Variants in DMXL2 observed in about 807,000 individuals in gnomAD.
DMXL2 encodes the protein dmX-like protein 2.
DMXL2 carries 103 observed loss-of-function variants against 331.1 expected under a neutral mutation model. That is an observed-to-expected ratio of 0.31 (90% CI 0.27 to 0.37). The LOEUF (loss-of-function observed/expected upper bound fraction) is 0.37. Ranked by LOEUF, DMXL2 falls within the 10% of genes least tolerant of loss-of-function variation. The pLI is 1.00. For synonymous variants in DMXL2, 1,281 were observed against 1,252.1 expected (o/e 1.02, Z -0.49); for missense variants, 3,171 against 3,642.9 (o/e 0.87, Z 3.33).
intron 1 of DMXL2, among the ~76,000 whole-genome samples, chr15:51,616,069 T>C (rs527945034): frequency 1.3e-5 from 2 of 152,304 alleles, no homozygotes; most frequent in Middle Eastern, 3.4e-3. Flanking sequence ...TTAAATTAAA[T>C]GTTATTACTC....
At chr15:51,618,764 C>T (rs937333386) in intron 1 of DMXL2, among the ~76,000 whole-genome samples, 2 of 152,156 alleles carry the variant, frequency 1.3e-5, no homozygotes, top group African/African-American at 4.8e-5. Flanking sequence ...TTGTTCTTAT[C>T]TTTCCAAACC....
At position 51,489,310 on chromosome 15, in the gene DMXL2, A is replaced by C. The variant is rs1448391032; in HGVS notation, c.4954-665T>G. On this transcript the variant is annotated intron_variant, in intron 20 of 43. Coordinates refer to ENST00000560891, the MANE Select transcript of DMXL2 (RefSeq NM_001378457.1). ...ATTGATGGCAAAGCAGGAAGCTATA[A>C]TACTAAGGTATGGGAGAAAGGGAAA... Among the ~76,000 whole-genome samples the C allele has an allele frequency of 2.0e-5, 3 of 152,206 alleles. No individual in the cohort carries two copies. The East Asian group carries it at 5.8e-4, about 29-fold the overall frequency.
intron 20 of DMXL2, among the ~76,000 whole-genome samples, chr15:51,491,201 G>T (rs963809959): frequency 9.2e-5 from 14 of 152,170 alleles, no homozygotes; most frequent in African/African-American, 3.4e-4. Context: ...AGCCATTTGG[G>T]AGGCCGAGGA....
At position 51,513,913 on chromosome 15, in the gene DMXL2, G is replaced by GT. The variant is rs1247556364; in HGVS notation, c.2644+528dup. Among the ~76,000 whole-genome samples, 5 of 152,040 alleles carry GT rather than the reference G, an allele frequency of 3.3e-5. No individual in the cohort carries two copies. In the East Asian group the frequency reaches 9.6e-4, roughly 29 times the overall value. The stretch of plus-strand genomic sequence containing the variant: ...TAAAGTTTAAACTAAACGTCATATT[G>GT]TTTGTTTTTGAAAGGGTTAAACTAC... On this transcript the variant is annotated intron_variant, in intron 15 of 43. Coordinates refer to ENST00000560891, the MANE Select transcript of DMXL2 (RefSeq NM_001378457.1).
At chr15:51,609,908 C>A (rs2053842441) in intron 1 of DMXL2, among the ~76,000 whole-genome samples, 2 of 147,398 alleles carry the variant, frequency 1.4e-5, no homozygotes, top group South Asian at 2.2e-4. Context: ...CCAGCCTGGG[C>A]AACAAGAGTG....
chr15:51,593,804 C>T (rs1264640293), intron 1 of DMXL2, among the ~76,000 whole-genome samples: 1 of 152,190 alleles, frequency 6.6e-6, no homozygotes, highest in African/African-American at 2.4e-5. Flanking sequence ...ACAACCTGCT[C>T]CTGAATGACT....
intron 15 of DMXL2, among the ~76,000 whole-genome samples, chr15:51,512,225 C>A (rs1420448348): frequency 2.6e-5 from 4 of 152,042 alleles, no homozygotes; most frequent in African/African-American, 9.6e-5. Flanking sequence ...TGCTCTAAAA[C>A]AAGTCAGTGG....
rs1044811347 is a variant in DMXL2, at chr15:51,604,697, A to G, written c.87+17762T>C. 2.6e-5 allele frequency among the ~76,000 whole-genome samples: 4 copies of G among 152,368 alleles called. No individual in the cohort carries two copies. In the South Asian group the frequency reaches 6.2e-4, roughly 24 times the overall value. ...TACAGATTTAAAAGAAAGGCAATCA[A>G]GTTCATTCCCAGTAGGATTTTTTTT... On this transcript the variant is annotated intron_variant, in intron 1 of 43. Coordinates refer to ENST00000560891, the MANE Select transcript of DMXL2 (RefSeq NM_001378457.1).
chr15:51,542,581 T>C (rs1596190796), intron 8 of DMXL2, 74 bp from the exon 9 acceptor site: 1 of 1,121,052 alleles, frequency 8.9e-7, no homozygotes, highest in Non-Finnish European at 1.2e-6. Context: ...CTCTTAATTA[T>C]TAAGAGGTTT....
chr15:51,545,048 A>C (rs1273542357), intron 8 of DMXL2, among the ~76,000 whole-genome samples: 1 of 152,040 alleles, frequency 6.6e-6, no homozygotes, highest in Admixed American at 6.5e-5. Flanking sequence ...TTCATACTGT[A>C]TTTAAAAATT....
chr15:51,486,486 A>G, intron 22 of DMXL2, 149 bp from the exon 23 acceptor site: 1 of 623,010 alleles, frequency 1.6e-6, no homozygotes, highest in Non-Finnish European at 2.7e-6. Context: ...TTGATAGGAG[A>G]TTAAAGAATA....
At chr15:51,502,362 G>A (rs1323899581) in intron 17 of DMXL2, among the ~76,000 whole-genome samples, 3 of 144,334 alleles carry the variant, frequency 2.1e-5, no homozygotes, top group Non-Finnish European at 4.5e-5. Context: ...TGTGTCGCCC[G>A]CCCAGGCTGG....
Position 51,499,135 on chromosome 15 carries a change from C to T in DMXL2, c.4089G>A (p.Arg1363=), listed in dbSNP as rs1238535679. ...CTAAATGAGAGAGAATGGCTTTAGCCCTTCGCACTTTCCCTAAATCCATCA... is the reference window on the plus strand; with the variant it reads ...CTAAATGAGAGAGAATGGCTTTAGCTCTTCGCACTTTCCCTAAATCCATCA... ...LELMDLGKVR[R]AKAILSHLVK... Residue 1363 remains arginine, a synonymous_variant, in exon 18 of 44, where the codon AGG becomes AGA. Coordinates refer to ENST00000560891, the MANE Select transcript of DMXL2 (RefSeq NM_001378457.1). 1.2e-6 allele frequency: 2 copies of T among 1,614,012 alleles called. No individual in the cohort carries two copies. Among genetic ancestry groups the T allele is most frequent in the East Asian group, 4.5e-5 (2 of 44,876 alleles).
chr15:51,474,689 T>C, intron 27 of DMXL2, 97 bp from the exon 28 acceptor site: 1 of 1,292,330 alleles, frequency 7.7e-7, no homozygotes, highest in South Asian at 1.6e-5. Context: ...TATGCATTTA[T>C]ATTTTACAAA....
chr15:51,594,717 T>C (rs10438320), intron 1 of DMXL2, among the ~76,000 whole-genome samples: 68,001 of 151,894 alleles, frequency 0.45, 15,855 homozygotes, highest in Non-Finnish European at 0.51. Flanking sequence ...TTATCCACCA[T>C]GATCAAGTGG....
intron 1 of DMXL2, among the ~76,000 whole-genome samples, chr15:51,593,078 T>A (rs1346051297): frequency 6.6e-6 from 1 of 152,162 alleles, no homozygotes; most frequent in South Asian, 2.1e-4. Context: ...TAACCTTAAA[T>A]GTAAATGGGC....
intron 15 of DMXL2, among the ~76,000 whole-genome samples, chr15:51,513,355 T>A (rs1009320057): frequency 6.6e-6 from 1 of 152,162 alleles, no homozygotes; most frequent in African/African-American, 2.4e-5. Flanking sequence ...GGTAAGATAC[T>A]ACAGAAAAGT....
In DMXL2 at chr15:51,594,169, G is replaced by A. The variant is rs1272509274; in HGVS notation, c.88-17988C>T. Among the ~76,000 whole-genome samples, 7 of 152,174 alleles carry A rather than the reference G, an allele frequency of 4.6e-5. No homozygotes were observed. In the East Asian group the frequency reaches 1.3e-3, roughly 29 times the overall value. The stretch of plus-strand genomic sequence containing the variant: ...GATCAACAAAATTGATAGACCACTA[G>A]CAAGACTAATAAAGAAGAAAAGAGA... On this transcript the variant is annotated intron_variant, in intron 1 of 43. Coordinates refer to ENST00000560891, the MANE Select transcript of DMXL2 (RefSeq NM_001378457.1).
At chr15:51,515,456 C>A (rs184547278) in intron 14 of DMXL2, among the ~76,000 whole-genome samples, 4 of 152,044 alleles carry the variant, frequency 2.6e-5, no homozygotes, top group South Asian at 2.1e-4. Flanking sequence ...TTGGGCCATA[C>A]AATTTTATGA....
Sources: gnomAD v4.1 joint callset for allele counts (sites outside exome capture counted in the v4.1 genomes callset) on GRCh38, gnomAD v4.1.1 for gene constraint, MANE v1.5 for transcripts, NCBI Gene and HGNC (gene_info 2026-07-23, HGNC 2026-07-21) for gene names.